Variants in UPRT observed in about 807,000 individuals in gnomAD.
UPRT encodes the protein uracil phosphoribosyltransferase homolog.
A neutral mutation model predicts 22.6 loss-of-function variants in UPRT; 5 were observed. The ratio of observed to expected loss-of-function variants is 0.22; its 90% CI spans 0.12 to 0.47. The LOEUF (loss-of-function observed/expected upper bound fraction) is 0.47, where lower values mean the gene tolerates loss of function less well. UPRT is among the 20% of genes least tolerant of loss of function. UPRT has a pLI of 0.99. For synonymous variants in UPRT, 77 were observed against 87.7 expected, an observed-to-expected ratio of 0.88 and a Z score of 0.68; for missense variants, 181 against 239.9, an observed-to-expected ratio of 0.75 and a Z score of 1.62.
intron 4 of UPRT, among the ~76,000 whole-genome samples, chrX:75,173,676 A>G (rs1017392733): frequency 8.9e-6 from 1 of 112,394 alleles, no homozygotes; most frequent in Non-Finnish European, 1.9e-5. Flanking sequence ...GGCTCGGGCC[A>G]CACAGGAGCC....
At chrX:75,254,862 G>A (rs902865994) in intron 4 of UPRT, among the ~76,000 whole-genome samples, 17 of 98,694 alleles carry the variant, frequency 1.7e-4, no homozygotes, top group Admixed American at 4.9e-4. Context: ...TGCAAGCTCC[G>A]CTTCCCGGGT....
chrX:75,190,872 C>CT (rs2082312594), intron 4 of UPRT, among the ~76,000 whole-genome samples: 1 of 110,671 alleles, frequency 9.0e-6, no homozygotes, highest in Non-Finnish European at 1.9e-5. Context: ...TCTAGTTATC[C>CT]ATTTGTCTAT....
At chrX:75,290,585 T>G (rs1179062434) in intron 1 of UPRT, among the ~76,000 whole-genome samples, 2 of 111,619 alleles carry the variant, frequency 1.8e-5, no homozygotes, top group Non-Finnish European at 3.8e-5. Context: ...GAAAGTGTGG[T>G]AAATATATAT....
intron 2 of UPRT, among the ~76,000 whole-genome samples, chrX:75,162,106 CTTTT>C (rs5902736): frequency 1.3e-5 from 1 of 78,975 alleles, no homozygotes. Flanking sequence ...TCTTTCTTTT[CTTTT>C]TTTTTTTTTT....
chrX:75,280,128 T>G (rs1022184731), intron 1 of UPRT, among the ~76,000 whole-genome samples: 2 of 110,283 alleles, frequency 1.8e-5, no homozygotes, highest in Non-Finnish European at 3.8e-5. Context: ...TTGTTTGTTT[T>G]TTTTTTTCTT....
intron 4 of UPRT, among the ~76,000 whole-genome samples, chrX:75,220,252 A>G (rs1205655434): frequency 1.8e-5 from 2 of 110,800 alleles, no homozygotes; most frequent in Non-Finnish European, 3.8e-5. Context: ...CTATTAGTAT[A>G]AAATATCATT....
chrX:75,280,737 T>G (rs1165743303), intron 1 of UPRT, among the ~76,000 whole-genome samples: 1 of 111,759 alleles, frequency 8.9e-6, no homozygotes, highest in Non-Finnish European at 1.9e-5. Context: ...CTGCTTAGTC[T>G]TGCTTTGGCT....
At position 75,274,542 on chromosome X, in the gene UPRT, C is replaced by T; in HGVS notation, c.288C>T (p.Phe96=). 1 of 1,211,608 alleles carries T rather than the reference C, an allele frequency of 8.3e-7. No homozygotes were observed. Among genetic ancestry groups the T allele is most frequent in the South Asian group, 1.8e-5 (1 of 56,895 alleles). The part of the protein sequence containing the change: ...SSYDAPAGNS[F]LEDCELSRQI... The stretch of plus-strand genomic sequence containing the variant: ...ATGACGCACCAGCTGGCAACTCCTT[C>T]CTAGAGGACTGCGAACTCTCCCGGC... Residue 96 remains phenylalanine, a synonymous_variant, in exon 1 of 7, where the codon TTC becomes TTT. Coordinates refer to ENST00000373383, the MANE Select transcript of UPRT (RefSeq NM_145052.4).
intron 4 of UPRT, among the ~76,000 whole-genome samples, chrX:75,170,329 G>A (rs1034082029): frequency 1.8e-5 from 2 of 111,595 alleles, no homozygotes; most frequent in African/African-American, 6.5e-5. Context: ...GAGCCACCAC[G>A]CCTGGCCTGT....
At chrX:75,184,698 C>T (rs1311591429) in intron 4 of UPRT, among the ~76,000 whole-genome samples, 2 of 108,328 alleles carry the variant, frequency 1.8e-5, no homozygotes, top group East Asian at 5.8e-4. Flanking sequence ...TCTTTTATTT[C>T]CTTGAGCAGT....
chrX:75,196,835 A>G (rs961154884), intron 4 of UPRT, among the ~76,000 whole-genome samples: 1 of 111,393 alleles, frequency 9.0e-6, no homozygotes, highest in African/African-American at 3.3e-5. Context: ...TGACAAAGTG[A>G]GACTCTTTCT....
At chrX:75,238,081 G>T (rs1452779012) in intron 4 of UPRT, among the ~76,000 whole-genome samples, 1 of 110,921 alleles carries the variant, frequency 9.0e-6, no homozygotes, top group African/African-American at 3.3e-5. Context: ...GAAAAACAAG[G>T]TATTTGGGTA....
At chrX:75,166,919 G>GTATTCCATTGCATGAA (rs1365935533) in intron 3 of UPRT, among the ~76,000 whole-genome samples, 1 of 112,036 alleles carries the variant, frequency 8.9e-6, no homozygotes, top group Non-Finnish European at 1.9e-5. Flanking sequence ...TTACCATGTA[G>GTATTCCATTGCATGAA]TATTCCATTG....
chrX:75,280,937 A>G (rs1034246289), intron 1 of UPRT, among the ~76,000 whole-genome samples: 3 of 110,941 alleles, frequency 2.7e-5, no homozygotes, highest in Admixed American at 9.6e-5. Flanking sequence ...TGTGTCATCT[A>G]TTATTTCTTT....
At chrX:75,243,874 G>GT (rs1259045113) in intron 4 of UPRT, among the ~76,000 whole-genome samples, 1 of 111,566 alleles carries the variant, frequency 9.0e-6, no homozygotes. Context: ...TTGTTTCAAT[G>GT]TTTTTCCTTA....
At chrX:75,236,161 A>G (rs755755189) in intron 4 of UPRT, among the ~76,000 whole-genome samples, 1 of 111,577 alleles carries the variant, frequency 9.0e-6, no homozygotes, top group South Asian at 3.8e-4. Flanking sequence ...ACAGCAGAGA[A>G]ACAGAGAGCC....
At chrX:75,178,703 G>A (rs2082258349) in intron 4 of UPRT, among the ~76,000 whole-genome samples, 1 of 110,752 alleles carries the variant, frequency 9.0e-6, no homozygotes, top group South Asian at 4.1e-4. Flanking sequence ...TCCTCCCGGT[G>A]GGCTCGTGGT....
chrX:75,196,420 A>C (rs1034495822), intron 4 of UPRT, among the ~76,000 whole-genome samples: 11 of 112,811 alleles, frequency 9.8e-5, no homozygotes, highest in Non-Finnish European at 1.7e-4. Context: ...TATTGATCAA[A>C]AGCTCAACTG....
chrX:75,294,910 A>G lies in UPRT; in HGVS notation c.429+1396A>G, dbSNP rs144072333. 8.0e-3 allele frequency among the ~76,000 whole-genome samples: 886 copies of G among 111,401 alleles called. 11 individuals carry two copies. Among genetic ancestry groups the G allele is most frequent in the African/African-American group, 0.027 (816 of 30,717 alleles). On this transcript the variant is annotated intron_variant, in intron 2 of 6. Transcript: ENST00000373383. ...GAGTTAAGTTCACGGTTATTGTAAG[A>G]TGCTTCCCTGAAAGGGCAAGCATAA...
Sources: allele counts gnomAD v4.1 joint callset (sites outside exome capture counted in the v4.1 genomes callset), GRCh38; gene constraint gnomAD v4.1.1; transcripts MANE v1.5; gene names NCBI Gene and HGNC (gene_info 2026-07-23, HGNC 2026-07-21).